The following PPP1R16B variants were observed in gnomAD, a reference collection of about 807,000 sequenced individuals.
PPP1R16B encodes the protein protein phosphatase 1 regulatory subunit 16B.
In PPP1R16B, 14 loss-of-function variants were observed where a neutral mutation model predicts 61.7. That is an observed-to-expected ratio of 0.23 (90% CI 0.15 to 0.35). The LOEUF is 0.35. Ranked by LOEUF, PPP1R16B falls within the 10% of genes least tolerant of loss-of-function variation. The pLI, the probability that PPP1R16B is intolerant of heterozygous loss-of-function variation, is 1.00. For missense variants in PPP1R16B, 547 were observed against 752.5 expected (o/e 0.73, Z 3.19); for synonymous variants, 266 against 305.3 (o/e 0.87, Z 1.34).
At chr20:38,882,179 C>T (rs398230) in intron 2 of PPP1R16B, among the ~76,000 whole-genome samples, 3,067 of 152,168 alleles carry the variant, frequency 0.02, 53 homozygotes, top group Middle Eastern at 0.034. Context: ...AGCAAGGGCA[C>T]AGGGCAGAGA....
rs148746009 is a variant in PPP1R16B at position 38,913,894 on chromosome 20, T to C, written c.1195-4263T>C. 7.2e-3 allele frequency among the ~76,000 whole-genome samples: 1,101 copies of C among 152,258 alleles called. 10 individuals are homozygous for C. The highest frequency in any genetic ancestry group is 0.02 in the African/African-American group (836 of 41,552). Reference sequence around the variant, plus strand: ...GGAGGGGAGCAGCTTAACTAAAATTTGGTTAAATCATTTACCGCTGGGCGC... The same window carrying C: ...GGAGGGGAGCAGCTTAACTAAAATTCGGTTAAATCATTTACCGCTGGGCGC... On this transcript the variant is annotated intron_variant, in intron 10 of 10. Coordinates refer to ENST00000299824, the MANE Select transcript of PPP1R16B (RefSeq NM_015568.4).
chr20:38,818,778 T>G (rs1284108696), intron 1 of PPP1R16B, among the ~76,000 whole-genome samples: 2 of 151,286 alleles, frequency 1.3e-5, no homozygotes, highest in Non-Finnish European at 1.5e-5. Flanking sequence ...TTTTTCCCCT[T>G]GAGACAAGAT....
At chr20:38,835,758 G>A in intron 1 of PPP1R16B, 67 bp from the exon 2 acceptor site, 2 of 823,478 alleles carry the variant, frequency 2.4e-6, no homozygotes, top group South Asian at 4.1e-5. Flanking sequence ...GGGGCGTTGG[G>A]GGACGATCAG....
At chr20:38,853,160 C>A (rs757832388) in intron 2 of PPP1R16B, among the ~76,000 whole-genome samples, 84 of 152,158 alleles carry the variant, frequency 5.5e-4, no homozygotes, top group Non-Finnish European at 6.6e-4. Context: ...AGACTTCAGG[C>A]CTTTCTCTCA....
intron 1 of PPP1R16B, among the ~76,000 whole-genome samples, chr20:38,828,249 G>T (rs893822033): frequency 1.3e-5 from 2 of 152,196 alleles, no homozygotes; most frequent in African/African-American, 4.8e-5. Flanking sequence ...AGGGAAACCT[G>T]GCTTTGACCT....
intron 10 of PPP1R16B, among the ~76,000 whole-genome samples, chr20:38,914,563 A>G (rs1214089546): frequency 1.3e-5 from 2 of 152,210 alleles, no homozygotes; most frequent in Non-Finnish European, 2.9e-5. Context: ...TCCCTGCATC[A>G]TGAGAAAACC....
intron 6 of PPP1R16B, among the ~76,000 whole-genome samples, chr20:38,905,428 C>T (rs940897897): frequency 1.3e-5 from 2 of 152,152 alleles, no homozygotes; most frequent in East Asian, 3.8e-4. Flanking sequence ...TCTTGAGGAT[C>T]CTCACAACAT....
intron 10 of PPP1R16B, among the ~76,000 whole-genome samples, chr20:38,912,119 TAC>T (rs1287316913): frequency 6.9e-6 from 1 of 144,996 alleles, no homozygotes; most frequent in Non-Finnish European, 1.5e-5. Context: ...TTTTTTTTGA[TAC>T]AGAGTTCCGC....
chr20:38,856,623 T>A (rs867642205), intron 2 of PPP1R16B, among the ~76,000 whole-genome samples: 3 of 152,166 alleles, frequency 2.0e-5, no homozygotes, highest in African/African-American at 7.2e-5. Flanking sequence ...ATCACCTTCA[T>A]CCTTCTCTCA....
chr20:38,890,447 G>A (rs903212773), intron 3 of PPP1R16B, among the ~76,000 whole-genome samples: 1 of 152,196 alleles, frequency 6.6e-6, no homozygotes, highest in Non-Finnish European at 1.5e-5. Context: ...GTACCCAGTG[G>A]GCTCCTCCCC....
At chr20:38,917,713 C>G (rs1474092732) in intron 10 of PPP1R16B, among the ~76,000 whole-genome samples, 1 of 152,190 alleles carries the variant, frequency 6.6e-6, no homozygotes, top group Non-Finnish European at 1.5e-5. Flanking sequence ...GATGCAGTCT[C>G]TCTTAGCCTT....
chr20:38,832,209 C>A (rs962373612), intron 1 of PPP1R16B, among the ~76,000 whole-genome samples: 2 of 152,162 alleles, frequency 1.3e-5, no homozygotes, highest in Admixed American at 6.5e-5. Context: ...GGAAAATGGG[C>A]ATGATAGTAC....
intron 1 of PPP1R16B, among the ~76,000 whole-genome samples, chr20:38,820,441 C>G (rs1261697678): frequency 2.0e-5 from 3 of 152,020 alleles, no homozygotes; most frequent in Non-Finnish European, 4.4e-5. Context: ...GCCTGTAATC[C>G]CAGCTACTCA....
At chr20:38,912,794 C>A (rs2085503123) in intron 10 of PPP1R16B, among the ~76,000 whole-genome samples, 2 of 152,180 alleles carry the variant, frequency 1.3e-5, no homozygotes, top group African/African-American at 2.4e-5. Context: ...TCAGCCTGAC[C>A]CCCAAATCAC....
intron 10 of PPP1R16B, among the ~76,000 whole-genome samples, chr20:38,909,452 G>T (rs1404418153): frequency 6.6e-6 from 1 of 152,150 alleles, no homozygotes; most frequent in East Asian, 1.9e-4. Flanking sequence ...ATTTTTGAGG[G>T]ACACTACTTA....
chr20:38,884,828 T>C (rs374906253), intron 2 of PPP1R16B, among the ~76,000 whole-genome samples: 11 of 151,020 alleles, frequency 7.3e-5, no homozygotes, highest in East Asian at 2.0e-4. Flanking sequence ...TCCCAGGATT[T>C]TGGGGGGCTG....
chr20:38,863,740 A>G (rs887256791), intron 2 of PPP1R16B, among the ~76,000 whole-genome samples: 6 of 152,214 alleles, frequency 3.9e-5, no homozygotes, highest in African/African-American at 1.4e-4. Context: ...TGCTCAATAG[A>G]GGTTAATTCC....
intron 2 of PPP1R16B, among the ~76,000 whole-genome samples, chr20:38,853,917 T>C (rs1301269137): frequency 6.6e-6 from 1 of 152,194 alleles, no homozygotes; most frequent in Admixed American, 6.5e-5. Flanking sequence ...AGCCTTTGCC[T>C]GCATCGCGCT....
intron 4 of PPP1R16B, among the ~76,000 whole-genome samples, chr20:38,896,232 A>C (rs1447848565): frequency 5.6e-4 from 35 of 62,940 alleles, no homozygotes; most frequent in African/African-American, 8.3e-4. Flanking sequence ...TCTTTTCCCT[A>C]CCTGCCTCCC....
Sources: gnomAD v4.1 joint callset for allele counts (sites outside exome capture counted in the v4.1 genomes callset) on GRCh38, gnomAD v4.1.1 for gene constraint, MANE v1.5 for transcripts, NCBI Gene and HGNC (gene_info 2026-07-23, HGNC 2026-07-21) for gene names.